NELL1: variants seen among roughly 807,000 people sequenced by gnomAD.
NELL1 encodes the protein protein kinase C-binding protein NELL1.
A neutral mutation model predicts 107.4 loss-of-function variants in NELL1; 76 were observed. The observed-to-expected ratio is 0.71, with a 90% confidence interval of 0.59 to 0.86. The LOEUF (loss-of-function observed/expected upper bound fraction) is 0.86, where lower values mean the gene tolerates loss of function less well. Among genes scored for constraint, NELL1 ranks in the 40% least tolerant of loss-of-function variants. NELL1 has a pLI of 0.00. For synonymous variants in NELL1, 353 were observed against 341.2 expected (o/e 1.03, Z -0.38); for missense variants, 1,024 against 1,005.5 (o/e 1.02, Z -0.25).
intron 16 of NELL1, among the ~76,000 whole-genome samples, chr11:21,540,267 C>G (rs1338134380): frequency 6.6e-6 from 1 of 152,072 alleles, no homozygotes; most frequent in Non-Finnish European, 1.5e-5. Context: ...TGCTCTCAAA[C>G]ATTGTAACTT....
chr11:21,037,630 T>G (rs953524438), intron 12 of NELL1, among the ~76,000 whole-genome samples: 1 of 152,150 alleles, frequency 6.6e-6, no homozygotes, highest in Admixed American at 6.6e-5. Flanking sequence ...TCTAAATCCT[T>G]CTCTGCTTTC....
intron 13 of NELL1, among the ~76,000 whole-genome samples, chr11:21,135,265 G>GA (rs1182096688): frequency 1.3e-5 from 2 of 152,000 alleles, no homozygotes; most frequent in Non-Finnish European, 2.9e-5. Flanking sequence ...TTTTAGGAAG[G>GA]AAAAAATATA....
chr11:21,169,430 A>T (rs1291508001), intron 13 of NELL1, among the ~76,000 whole-genome samples: 1 of 151,772 alleles, frequency 6.6e-6, no homozygotes, highest in East Asian at 1.9e-4. Context: ...GGAAGCTTAG[A>T]TCTATTTTTT....
At chr11:21,354,471 G>A (rs2133725885) in intron 14 of NELL1, among the ~76,000 whole-genome samples, 1 of 152,168 alleles carries the variant, frequency 6.6e-6, no homozygotes, top group East Asian at 1.9e-4. Flanking sequence ...TGAATCCTGG[G>A]TGTGACTAGA....
intron 15 of NELL1, among the ~76,000 whole-genome samples, chr11:21,372,463 A>G (rs1164804524): frequency 6.6e-6 from 1 of 152,058 alleles, no homozygotes; most frequent in African/African-American, 2.4e-5. Flanking sequence ...TGAATATTTT[A>G]AGATTAAACA....
chr11:21,503,919 C>T (rs1202244816), intron 15 of NELL1, among the ~76,000 whole-genome samples: 3 of 152,038 alleles, frequency 2.0e-5, no homozygotes, highest in Non-Finnish European at 4.4e-5. Context: ...TTCATTAGTT[C>T]CAACCTTGAT....
chr11:21,370,858 T>G lies in NELL1; in HGVS notation c.1555T>G (p.Cys519Gly). 1 of 1,611,278 alleles carries G rather than the reference T, an allele frequency of 6.2e-7. No individual in the cohort carries two copies. The highest frequency in any genetic ancestry group is 8.5e-7 in the Non-Finnish European group (1 of 1,178,546). ...ACTTTGTTCTCTTGCAACAGCTTTC[T>G]GTGAAGAGGGCTGCAGATACGGTGG... ...VGNGTICRAF[C>G]EEGCRYGGTC... The change falls in exon 15 of 20, where the codon TGT (cysteine) becomes GGT (glycine). Residue 519 changes from cysteine to glycine, a missense_variant. By Grantham distance (159) the Cys-to-Gly change is radical (BLOSUM62 -3). Coordinates refer to ENST00000357134, the MANE Select transcript of NELL1 (RefSeq NM_006157.5).
intron 11 of NELL1, among the ~76,000 whole-genome samples, chr11:20,953,120 C>T (rs1292119465): frequency 6.6e-6 from 1 of 152,194 alleles, no homozygotes; most frequent in Non-Finnish European, 1.5e-5. Flanking sequence ...ATCTGAGGCA[C>T]ATGGAATATG....
chr11:20,857,313 C>T (rs772908113), intron 4 of NELL1, among the ~76,000 whole-genome samples: 18 of 152,182 alleles, frequency 1.2e-4, no homozygotes, highest in African/African-American at 3.9e-4. Context: ...TATAGCCCCC[C>T]GAGTGTTCTT....
At chr11:21,305,423 G>A (rs186791722) in intron 14 of NELL1, among the ~76,000 whole-genome samples, 1,611 of 152,070 alleles carry the variant, frequency 0.011, 15 homozygotes, top group Middle Eastern at 0.024. Context: ...TTAGAGTATC[G>A]TTTGATGCCT....
intron 2 of NELL1, among the ~76,000 whole-genome samples, chr11:20,692,910 C>A (rs939241719): frequency 6.6e-6 from 1 of 151,970 alleles, no homozygotes; most frequent in Non-Finnish European, 1.5e-5. Context: ...ATTATTAATG[C>A]GTGGGAGTCT....
chr11:21,273,098 C>T (rs556869992), intron 14 of NELL1, among the ~76,000 whole-genome samples: 196 of 152,206 alleles, frequency 1.3e-3, no homozygotes, highest in Non-Finnish European at 2.2e-3. Context: ...GACGATCAAA[C>T]TACTCCGAGC....
chr11:21,059,592 T>C (rs986567374), intron 12 of NELL1, among the ~76,000 whole-genome samples: 3 of 152,152 alleles, frequency 2.0e-5, no homozygotes, highest in African/African-American at 7.2e-5. Flanking sequence ...TTGGAGAAAT[T>C]AAGAGCTTTT....
At chr11:21,377,619 G>T (rs1851510801) in intron 15 of NELL1, among the ~76,000 whole-genome samples, 2 of 151,914 alleles carry the variant, frequency 1.3e-5, no homozygotes, top group Admixed American at 1.3e-4. Context: ...AGTAGAATTG[G>T]TCAGCTCTTT....
At chr11:21,013,445 CA>C (rs951488057) in intron 12 of NELL1, among the ~76,000 whole-genome samples, 1 of 152,064 alleles carries the variant, frequency 6.6e-6, no homozygotes, top group Non-Finnish European at 1.5e-5. Context: ...TGGAGAGCTG[CA>C]GCACTGGGCT....
intron 12 of NELL1, among the ~76,000 whole-genome samples, chr11:21,070,094 C>T (rs955269862): frequency 3.3e-5 from 5 of 151,442 alleles, no homozygotes; most frequent in African/African-American, 1.2e-4. Flanking sequence ...TCTCACACCT[C>T]GACTAACCTA....
At chr11:21,571,628 A>G (rs776286231) in intron 18 of NELL1, among the ~76,000 whole-genome samples, 3 of 151,914 alleles carry the variant, frequency 2.0e-5, no homozygotes, top group Non-Finnish European at 2.9e-5. Context: ...ATGTTTAAAA[A>G]GGAAAAAATG....
Position 20,988,388 on chromosome 11 carries a change from T to C in NELL1, c.1300+27828T>C, listed in dbSNP as rs181182158. Among the ~76,000 whole-genome samples the C allele has an allele frequency of 1.9e-4, 28 of 151,338 alleles. 1 individual carries two copies. The East Asian group carries it at 5.5e-3, about 29-fold the overall frequency. ...ATATACACACGTACATATATATGTG[T>C]ATATATATACATATCTATATATACA... On this transcript the variant is annotated intron_variant, in intron 12 of 19. Coordinates refer to ENST00000357134, the MANE Select transcript of NELL1 (RefSeq NM_006157.5).
rs535344367 is a variant in NELL1, at chr11:20,980,658, T to C, written c.1300+20098T>C. Among the ~76,000 whole-genome samples, 13 of 152,338 alleles carry C rather than the reference T, an allele frequency of 8.5e-5. No homozygotes were observed. In the South Asian group the frequency reaches 2.7e-3, roughly 32 times the overall value. ...TTTTTAAGATAGTAACTTGACAATA[T>C]TGCATATCAATTTATCTCTAAAATT... On this transcript the variant is annotated intron_variant, in intron 12 of 19. Coordinates refer to ENST00000357134, the MANE Select transcript of NELL1 (RefSeq NM_006157.5).
Sources: gnomAD v4.1 joint callset for allele counts (sites outside exome capture counted in the v4.1 genomes callset) on GRCh38, gnomAD v4.1.1 for gene constraint, MANE v1.5 for transcripts, NCBI Gene and HGNC (gene_info 2026-07-23, HGNC 2026-07-21) for gene names.